The following ZMAT3 variants were observed in gnomAD, a reference collection of about 807,000 sequenced individuals.
ZMAT3 encodes zinc finger matrin-type 3.
ZMAT3 carries 17 observed loss-of-function variants against 32.3 expected under a neutral mutation model. The observed-to-expected ratio is 0.53, with a 90% confidence interval of 0.36 to 0.79. ZMAT3 has a LOEUF of 0.79. Among genes scored for constraint, ZMAT3 ranks in the 30% least tolerant of loss-of-function variants. ZMAT3 has a pLI of 0.00. For missense variants in ZMAT3, 329 were observed against 359.7 expected (o/e 0.91, Z 0.69); for synonymous variants, 120 against 133.1 (o/e 0.90, Z 0.68).
rs773572929 is a variant in ZMAT3 at position 179,022,448 on chromosome 3, C to T, written c.*2569G>A. Reference sequence around the variant, plus strand: ...GTGTGTGTGGGGGTATGCATACACACACATCTACCTATGGAGGAAAAAAAC... The same window carrying T: ...GTGTGTGTGGGGGTATGCATACACATACATCTACCTATGGAGGAAAAAAAC... On this transcript the variant is annotated 3_prime_UTR_variant, in exon 6 of 6. Coordinates refer to ENST00000311417, the MANE Select transcript of ZMAT3 (RefSeq NM_022470.4). 25 of 151,878 alleles carry T rather than the reference C, an allele frequency of 1.6e-4. No homozygotes were observed. Among genetic ancestry groups the T allele is most frequent in the Non-Finnish European group, 3.2e-4 (22 of 67,984 alleles). The allele number at this position is 151,878 out of a possible 1,614,324, so 9.4% of individuals were successfully genotyped here.
At chr3:179,070,204 G>A (rs1406612095) in intron 1 of ZMAT3, among the ~76,000 whole-genome samples, 1 of 152,202 alleles carries the variant, frequency 6.6e-6, no homozygotes, top group East Asian at 1.9e-4. Flanking sequence ...GTCTGGACTT[G>A]TTTTATGAAA....
At chr3:179,066,932 A>G (rs1436395379) in intron 2 of ZMAT3, among the ~76,000 whole-genome samples, 1 of 152,182 alleles carries the variant, frequency 6.6e-6, no homozygotes, top group Non-Finnish European at 1.5e-5. Flanking sequence ...CAATATTGCA[A>G]TGTCATTTTA....
Position 179,020,677 on chromosome 3 carries a change from A to G in ZMAT3, c.*4340T>C, listed in dbSNP as rs978655115. The stretch of plus-strand genomic sequence containing the variant: ...GGGCATTTCCAACCTTAGTTCTGAC[A>G]ATGAAGACACAAAGTAGGTTAGGTT... On this transcript the variant is annotated 3_prime_UTR_variant, in exon 6 of 6. Coordinates refer to ENST00000311417, the MANE Select transcript of ZMAT3 (RefSeq NM_022470.4). 3 of 152,218 alleles carry G rather than the reference A, an allele frequency of 2.0e-5. No individual in the cohort carries two copies. Among genetic ancestry groups the G allele is most frequent in the Non-Finnish European group, 2.9e-5 (2 of 68,048 alleles). 9.4% of individuals were successfully genotyped at this position (152,218 alleles called of 1,614,324 possible).
chr3:179,046,793 G>A lies in ZMAT3; in HGVS notation c.271-15794C>T, dbSNP rs1026403480. On this transcript the variant is annotated intron_variant, in intron 2 of 5. Coordinates refer to ENST00000311417, the MANE Select transcript of ZMAT3 (RefSeq NM_022470.4). This position sits in a 1 kb window ranked among gnomAD's most constrained non-coding sequence, Gnocchi z 4.3. Reference sequence around the variant, plus strand: ...AGCAGAGGCAGCCATAATCCCCCTGGGAACATAACTCCATTGGCCCGTTCA... The same window carrying A: ...AGCAGAGGCAGCCATAATCCCCCTGAGAACATAACTCCATTGGCCCGTTCA... 1.3e-5 allele frequency among the ~76,000 whole-genome samples: 2 copies of A among 152,102 alleles called. No individual in the cohort carries two copies. Among genetic ancestry groups the A allele is most frequent in the Non-Finnish European group, 2.9e-5 (2 of 68,018 alleles).
intron 2 of ZMAT3, among the ~76,000 whole-genome samples, chr3:179,041,193 C>A (rs1719905932): frequency 6.6e-6 from 1 of 152,078 alleles, no homozygotes; most frequent in Non-Finnish European, 1.5e-5. Context: ...GGTTAACAAG[C>A]ATATACAGGA....
rs781183956 is a variant in ZMAT3, at chr3:179,027,670, G to A, written c.533C>T (p.Ala178Val). 144 of 1,613,852 alleles carry A rather than the reference G, an allele frequency of 8.9e-5. No homozygotes were observed. The highest frequency in any genetic ancestry group is 1.2e-4 in the Non-Finnish European group (139 of 1,180,024). ...GKNHAKRLRL[A>V]EAQSNSFSES... is the part of the protein sequence containing the mutation. ...CGAGAATGAGTTACTCTGAGCTTCC[G>A]CCAGCCGCAGCCTCTTGGCATGATT... is the stretch of plus-strand genomic sequence containing the variant. Residue 178 changes from alanine (A) to valine (V), a missense_variant, in exon 4 of 6, where the codon GCG (alanine) becomes GTG (valine). Transcript: ENST00000311417.
Position 179,043,552 on chromosome 3 carries a change from C to A in ZMAT3, c.271-12553G>T, listed in dbSNP as rs1367617766. On this transcript the variant is annotated intron_variant, in intron 2 of 5. Coordinates refer to ENST00000311417, the MANE Select transcript of ZMAT3 (RefSeq NM_022470.4). Reference sequence around the variant, plus strand: ...AAGCTGAAACTGGATCCCTTCCTTACTCCTTATACAAAAATTAATTCAAGA... The same window carrying A: ...AAGCTGAAACTGGATCCCTTCCTTAATCCTTATACAAAAATTAATTCAAGA... 2.6e-5 allele frequency among the ~76,000 whole-genome samples: 4 copies of A among 152,188 alleles called. No homozygotes were observed. In the East Asian group the frequency reaches 7.7e-4, roughly 29 times the overall value.
chr3:179,037,101 C>G (rs1054994134), intron 2 of ZMAT3, among the ~76,000 whole-genome samples: 2 of 152,118 alleles, frequency 1.3e-5, no homozygotes, highest in Non-Finnish European at 2.9e-5. Flanking sequence ...TCTTCTCCAC[C>G]CTATTCACTC....
chr3:179,047,039 G>A (rs1319898232), intron 2 of ZMAT3, among the ~76,000 whole-genome samples: 2 of 152,132 alleles, frequency 1.3e-5, no homozygotes, highest in South Asian at 4.1e-4. Flanking sequence ...CCTGGCTGGA[G>A]ACCAACCAAC....
chr3:179,029,161 A>G (rs894126311), intron 3 of ZMAT3, among the ~76,000 whole-genome samples: 3 of 146,918 alleles, frequency 2.0e-5, no homozygotes, highest in African/African-American at 7.4e-5. Flanking sequence ...CTCCATCTCA[A>G]AAAAAAAAAA....
At chr3:179,030,049 T>C (rs1006122018) in intron 3 of ZMAT3, among the ~76,000 whole-genome samples, 1 of 152,176 alleles carries the variant, frequency 6.6e-6, no homozygotes, top group Non-Finnish European at 1.5e-5. Context: ...AGATTAAGAG[T>C]AGACTCCATG....
intron 2 of ZMAT3, among the ~76,000 whole-genome samples, chr3:179,045,283 A>G (rs1156397679): frequency 2.0e-5 from 3 of 152,218 alleles, no homozygotes; most frequent in Admixed American, 2.0e-4. Context: ...CCCAGGAACT[A>G]TAGTTCTAGG....
chr3:179,053,461 A>G lies in ZMAT3; in HGVS notation c.270+14022T>C, dbSNP rs569939005. On this transcript the variant is annotated intron_variant, in intron 2 of 5. Transcript: ENST00000311417. ...TCACCATTTGGCAAATGCCACAGTA[A>G]TAATTATTGCAGACAAGAATCATCA... is the stretch of plus-strand genomic sequence containing the variant. Among the ~76,000 whole-genome samples, 82 of 152,328 alleles carry G rather than the reference A, an allele frequency of 5.4e-4. 1 individual carries two copies. The highest frequency in any genetic ancestry group is 1.9e-3 in the African/African-American group (81 of 41,588).
Position 179,031,303 on chromosome 3 carries a change from G to A in ZMAT3, c.271-304C>T, listed in dbSNP as rs574487496. The stretch of plus-strand genomic sequence containing the variant: ...TCACGGTTTTAGGCTTCTACTAGAG[G>A]TCTTGATATCTCCTATGGATAAAAA... On this transcript the variant is annotated intron_variant, in intron 2 of 5. Coordinates refer to ENST00000311417, the MANE Select transcript of ZMAT3 (RefSeq NM_022470.4). 1.7e-3 allele frequency among the ~76,000 whole-genome samples: 252 copies of A among 151,054 alleles called. 1 individual carries two copies. The highest frequency in any genetic ancestry group is 6.0e-3 in the African/African-American group (248 of 41,174).
intron 3 of ZMAT3, among the ~76,000 whole-genome samples, chr3:179,028,399 C>T (rs567136918): frequency 1.3e-5 from 2 of 152,220 alleles, no homozygotes; most frequent in South Asian, 4.1e-4. Context: ...AGATAGTAGG[C>T]ATTCAGTAAG....
rs1020358186 is a variant in ZMAT3, at chr3:179,021,257, T to G, written c.*3760A>C. 3 of 152,186 alleles carry G rather than the reference T, an allele frequency of 2.0e-5. No individual in the cohort carries two copies. Among genetic ancestry groups the G allele is most frequent in the Admixed American group, 6.5e-5 (1 of 15,282 alleles). The allele number at this position is 152,186 out of a possible 1,614,324, so 9.4% of individuals were successfully genotyped here. A position where few individuals can be genotyped will look rare whatever the true frequency, so the allele number is the denominator to read the frequency against. ...ATGCACAATGTGAAGACCAACAAAG[T>G]ATTTTCAAAGCATCTTCAGTGCACT... On this transcript the variant is annotated 3_prime_UTR_variant, in exon 6 of 6. Coordinates refer to ENST00000311417, the MANE Select transcript of ZMAT3 (RefSeq NM_022470.4).
chr3:179,043,193 T>C (rs1383066038), intron 2 of ZMAT3, among the ~76,000 whole-genome samples: 1 of 152,158 alleles, frequency 6.6e-6, no homozygotes. Context: ...AAGCTACCAA[T>C]GACTTTCTTC....
intron 2 of ZMAT3, among the ~76,000 whole-genome samples, chr3:179,035,320 G>C (rs1456941517): frequency 6.6e-6 from 1 of 152,152 alleles, no homozygotes; most frequent in East Asian, 1.9e-4. Context: ...TATGCTCCTG[G>C]CTCACTAGGC....
intron 2 of ZMAT3, among the ~76,000 whole-genome samples, chr3:179,058,382 T>C (rs1178234110): frequency 6.6e-6 from 1 of 152,240 alleles, no homozygotes; most frequent in Non-Finnish European, 1.5e-5. Context: ...CTCAAACCTA[T>C]GCCACTCGAG....
Sources: gnomAD v4.1 joint callset for allele counts (sites outside exome capture counted in the v4.1 genomes callset) on GRCh38, gnomAD v4.1.1 for gene constraint, Gnocchi (gnomAD v3.1) non-coding constraint, MANE v1.5 for transcripts, NCBI Gene and HGNC (gene_info 2026-07-23, HGNC 2026-07-21) for gene names.